The following CD8B variants were observed in gnomAD, a reference collection of about 807,000 sequenced individuals.
The protein encoded by CD8B is T-cell surface glycoprotein CD8 beta chain.
In CD8B, 6 loss-of-function variants were observed where a neutral mutation model predicts 24.2. The ratio of observed to expected loss-of-function variants is 0.25; its 90% CI spans 0.14 to 0.49. The LOEUF is 0.49. Among genes scored for constraint, CD8B ranks in the 20% least tolerant of loss-of-function variants. The pLI is 0.98. For synonymous variants in CD8B, 84 were observed against 108.3 expected (o/e 0.78, Z 1.39); for missense variants, 196 against 271.3 (o/e 0.72, Z 1.95).
intron 2 of CD8B, among the ~76,000 whole-genome samples, chr2:86,857,022 G>A (rs1045130269): frequency 6.6e-5 from 10 of 152,180 alleles, no homozygotes; most frequent in South Asian, 6.2e-4. Context: ...TGAAATGTGC[G>A]TCTGCTGGAC....
chr2:86,850,798 A>G lies in CD8B; in HGVS notation c.493+2199T>C, dbSNP rs1401027837. 2.0e-5 allele frequency among the ~76,000 whole-genome samples: 3 copies of G among 152,156 alleles called. No individual in the cohort carries two copies. The East Asian group carries it at 5.8e-4, about 29-fold the overall frequency. ...AATTTACTGAGGGTTAGTACAAGAA[A>G]TGATGCAAGAGGCCAGGCGTAGTGG... On this transcript the variant is annotated intron_variant, in intron 3 of 5. Coordinates refer to ENST00000390655, the MANE Select transcript of CD8B (RefSeq NM_004931.5).
At chr2:86,823,472 G>T (rs1388104054) in intron 5 of CD8B, among the ~76,000 whole-genome samples, 2 of 151,936 alleles carry the variant, frequency 1.3e-5, no homozygotes, top group African/African-American at 2.4e-5. Context: ...TGGAGATGAG[G>T]TCTTACTATG....
intron 5 of CD8B, among the ~76,000 whole-genome samples, chr2:86,827,103 G>C (rs1674720626): frequency 6.6e-6 from 1 of 152,254 alleles, no homozygotes; most frequent in South Asian, 2.1e-4. Context: ...TTACAGGCAT[G>C]AGCCACTGTG....
chr2:86,856,800 G>A (rs541501355), intron 2 of CD8B, among the ~76,000 whole-genome samples: 7 of 149,562 alleles, frequency 4.7e-5, no homozygotes, highest in African/African-American at 1.5e-4. Flanking sequence ...GAATCGAGAT[G>A]AGCCATATGT....
chr2:86,860,036 G>A (rs1676488572), intron 1 of CD8B, among the ~76,000 whole-genome samples: 1 of 152,032 alleles, frequency 6.6e-6, no homozygotes, highest in African/African-American at 2.4e-5. Flanking sequence ...TTGGGAGATC[G>A]AGGCAGGAGG....
intron 3 of CD8B, among the ~76,000 whole-genome samples, chr2:86,852,204 C>T (rs1207652312): frequency 2.0e-5 from 3 of 152,148 alleles, no homozygotes; most frequent in African/African-American, 7.2e-5. Context: ...GAGCTCAAGG[C>T]GATCCACCCA....
At chr2:86,830,391 AC>A (rs1182196017) in intron 5 of CD8B, among the ~76,000 whole-genome samples, 1 of 152,036 alleles carries the variant, frequency 6.6e-6, no homozygotes, top group East Asian at 1.9e-4. Flanking sequence ...ACGTGGCGAA[AC>A]CCTATCTCTA....
At chr2:86,845,355 G>T (rs2104548841) in intron 4 of CD8B, among the ~76,000 whole-genome samples, 1 of 152,322 alleles carries the variant, frequency 6.6e-6, no homozygotes, top group African/African-American at 2.4e-5. Flanking sequence ...GCAGTCTCAG[G>T]CTAGGGCAAT....
At chr2:86,823,274 A>G (rs1388683427) in intron 5 of CD8B, among the ~76,000 whole-genome samples, 1 of 152,082 alleles carries the variant, frequency 6.6e-6, no homozygotes, top group East Asian at 1.9e-4. Flanking sequence ...ACTTAAAAAA[A>G]ATTTTTAATT....
At chr2:86,823,692 C>A (rs187225137) in intron 5 of CD8B, among the ~76,000 whole-genome samples, 1 of 152,232 alleles carries the variant, frequency 6.6e-6, no homozygotes, top group African/African-American at 2.4e-5. Context: ...TGCACCCACA[C>A]GTGTGCTGGG....
chr2:86,839,538 G>A lies in CD8B; in HGVS notation c.*2769C>T, dbSNP rs1054526668. On this transcript the variant is annotated 3_prime_UTR_variant, in exon 6 of 6. Transcript: ENST00000390655. ...TTCTTCAAACAAAGGTCAGGTGCTG[G>A]GTGCAGACCTTCTCACCGCAGCCCC... is the stretch of plus-strand genomic sequence containing the variant. Among the ~76,000 whole-genome samples the A allele has an allele frequency of 1.2e-4, 19 of 152,200 alleles. No individual in the cohort carries two copies. The highest frequency in any genetic ancestry group is 2.6e-4 in the Non-Finnish European group (18 of 68,032).
At chr2:86,849,703 GTTT>G (rs551385750) in intron 3 of CD8B, among the ~76,000 whole-genome samples, 3 of 127,418 alleles carry the variant, frequency 2.4e-5, no homozygotes, top group Admixed American at 8.1e-5. Context: ...CAACTAAGGT[GTTT>G]TTTTTTTTTT....
At chr2:86,849,154 A>G (rs555928102) in intron 3 of CD8B, among the ~76,000 whole-genome samples, 1,920 of 152,350 alleles carry the variant, frequency 0.013, 1 homozygote, top group African/African-American at 0.044. Flanking sequence ...CCGAGTTCCA[A>G]GCCCCTGTGG....
chr2:86,858,019 A>T (rs549687394), intron 2 of CD8B, 38 bp downstream of exon 2: 18 of 1,599,324 alleles, frequency 1.1e-5, no homozygotes, highest in Non-Finnish European at 1.5e-5. Context: ...CCTGGCACAC[A>T]ATCGGTGCTC....
Position 86,840,967 on chromosome 2 carries a change from A to G in CD8B, c.*1340T>C, listed in dbSNP as rs180821482. ...TAACTGAACATAACCTGATTTGTCA[A>G]TGTCCTTCTTTGAGCTGGCCAGGAA... On this transcript the variant is annotated 3_prime_UTR_variant, in exon 6 of 6. Coordinates refer to ENST00000390655, the MANE Select transcript of CD8B (RefSeq NM_004931.5). Among the ~76,000 whole-genome samples the G allele has an allele frequency of 9.2e-5, 14 of 152,214 alleles. No homozygotes were observed. The highest frequency in any genetic ancestry group is 7.9e-4 in the Admixed American group (12 of 15,284).
At chr2:86,833,776 T>A (rs57534350), downstream of CD8B, among the ~76,000 whole-genome samples, 48,934 of 151,074 alleles carry the variant, frequency 0.32, 8,403 homozygotes, top group Non-Finnish European at 0.39. Context: ...TCAGCCTTCC[T>A]AGTAGCCGGG....
At chr2:86,859,398 G>A (rs1003205440) in intron 1 of CD8B, among the ~76,000 whole-genome samples, 9 of 152,146 alleles carry the variant, frequency 5.9e-5, no homozygotes, top group Admixed American at 2.6e-4. Context: ...GCCTCTGGCC[G>A]TGCCAGCTGT....
intron 3 of CD8B, among the ~76,000 whole-genome samples, 154 bp from the exon 4 acceptor site, chr2:86,846,927 A>AT (rs60980294): frequency 0.015 from 877 of 58,894 alleles, 61 homozygotes; most frequent in African/African-American, 0.032. Context: ...TTCCTCAAGT[A>AT]TTTTTTTTTT....
chr2:86,851,250 TGAA>T (rs1164977343), intron 3 of CD8B, among the ~76,000 whole-genome samples: 1 of 152,206 alleles, frequency 6.6e-6, no homozygotes, highest in Non-Finnish European at 1.5e-5. Flanking sequence ...AGTGCTAGGA[TGAA>T]GGTTTCTTCT....
Sources: allele counts gnomAD v4.1 joint callset (sites outside exome capture counted in the v4.1 genomes callset), GRCh38; gene constraint gnomAD v4.1.1; transcripts MANE v1.5; gene names NCBI Gene and HGNC (gene_info 2026-07-23, HGNC 2026-07-21).